Variants in ITM2B observed in about 807,000 individuals in gnomAD.
ITM2B encodes the protein integral membrane protein 2B, also known as ABri/ADan amyloid peptide.
Under a neutral mutation model 27.8 loss-of-function variants are expected in ITM2B, and 11 were observed. The observed-to-expected ratio is 0.40, with a 90% confidence interval of 0.25 to 0.66. ITM2B has a LOEUF of 0.66. Ranked by LOEUF, ITM2B falls within the 30% of genes least tolerant of loss-of-function variation. ITM2B has a pLI of 0.43. For synonymous variants in ITM2B, 114 were observed against 114.3 expected, an observed-to-expected ratio of 1.00 and a Z score of 0.02; for missense variants, 296 against 328.9, an observed-to-expected ratio of 0.90 and a Z score of 0.77.
Position 48,261,353 on chromosome 13 carries a change from CAT to C in ITM2B, c.*130_*131del, listed in dbSNP as rs1356189940. 22 of 707,392 alleles carry C rather than the reference CAT, an allele frequency of 3.1e-5. No individual in the cohort carries two copies. In the East Asian group the frequency reaches 5.3e-4, roughly 17 times the overall value. The allele number at this position is 707,392 out of a possible 1,614,324, so 43.8% of individuals were successfully genotyped here. On this transcript the variant is annotated 3_prime_UTR_variant, in exon 6 of 6. Transcript: ENST00000647800. The stretch of plus-strand genomic sequence containing the variant: ...AGCAAACAGGGCTTTACTATCTTTT[CAT>C]CTCATTAATTCAATTAAAACCATTA...
chr13:48,269,776 C>T lies in ITM2B; in HGVS notation c.*8552C>T, dbSNP rs566783516. ...ACCTTTTCTAAAGTGAGTCTCACCT[C>T]CACCCTCAATGCTGGCAATGTCTGT... is the stretch of plus-strand genomic sequence containing the variant. On this transcript the variant is annotated 3_prime_UTR_variant, in exon 6 of 6. Coordinates refer to ENST00000647800, the MANE Select transcript of ITM2B (RefSeq NM_021999.5). 7.9e-5 allele frequency: 12 copies of T among 152,242 alleles called. No homozygotes were observed. The highest frequency in any genetic ancestry group is 2.9e-4 in the African/African-American group (12 of 41,428). 9.4% of individuals were successfully genotyped at this position (152,242 alleles called of 1,614,324 possible). A position where few individuals can be genotyped will look rare whatever the true frequency, so the allele number is the denominator to read the frequency against.
intron 1 of ITM2B, among the ~76,000 whole-genome samples, chr13:48,237,380 C>G (rs1326086779): frequency 1.3e-5 from 2 of 152,170 alleles, no homozygotes; most frequent in Non-Finnish European, 2.9e-5. Flanking sequence ...GTCTGTGCAT[C>G]CCAAATGCCT....
chr13:48,242,108 A>G (rs952214102), intron 1 of ITM2B, among the ~76,000 whole-genome samples: 1 of 152,152 alleles, frequency 6.6e-6, no homozygotes, highest in Non-Finnish European at 1.5e-5. Context: ...TGCACACATG[A>G]TCTCTTCTCC....
At position 48,258,107 on chromosome 13, in the gene ITM2B, T is replaced by C; in HGVS notation, c.454-19T>C. Reference sequence around the variant, plus strand: ...TTTGCAAGTATTACTGTAACTACACTGTATCTTTTTCTTCCCAGAAACTTA... The same window carrying C: ...TTTGCAAGTATTACTGTAACTACACCGTATCTTTTTCTTCCCAGAAACTTA... On this transcript the variant is annotated intron_variant, in intron 3 of 5. Transcript: ENST00000647800. 4 of 1,191,870 alleles carry C rather than the reference T, an allele frequency of 3.4e-6. No homozygotes were observed. Among genetic ancestry groups the C allele is most frequent in the South Asian group, 1.2e-5 (1 of 82,538 alleles). 73.8% of individuals were successfully genotyped at this position (1,191,870 alleles called of 1,614,324 possible).
rs1951841927 is a variant in ITM2B, at chr13:48,264,584, T to A, written c.*3360T>A. On this transcript the variant is annotated 3_prime_UTR_variant, in exon 6 of 6. Transcript: ENST00000647800. Reference sequence around the variant, plus strand: ...CTCTTCCACCTAGCAAAGAGTTTGTTGCCCAGAGTTATATAAATCCTACTC... The same window carrying A: ...CTCTTCCACCTAGCAAAGAGTTTGTAGCCCAGAGTTATATAAATCCTACTC... 6.6e-6 allele frequency: 1 copy of A among 152,214 alleles called. No individual in the cohort carries two copies. Among genetic ancestry groups the A allele is most frequent in the Non-Finnish European group, 1.5e-5 (1 of 68,028 alleles). 9.4% of individuals were successfully genotyped at this position (152,214 alleles called of 1,614,324 possible). A position where few individuals can be genotyped will look rare whatever the true frequency, so the allele number is the denominator to read the frequency against.
rs1951857981 is a variant in ITM2B, at chr13:48,267,195, A to G, written c.*5971A>G. On this transcript the variant is annotated 3_prime_UTR_variant, in exon 6 of 6. Coordinates refer to ENST00000647800, the MANE Select transcript of ITM2B (RefSeq NM_021999.5). ...AAGAGCTTTCAGAATGTCAGGGATAAATATATCCATTAAGCCTTCAGACTA... is the reference window on the plus strand; with the variant it reads ...AAGAGCTTTCAGAATGTCAGGGATAGATATATCCATTAAGCCTTCAGACTA... 1 of 152,202 alleles carries G rather than the reference A, an allele frequency of 6.6e-6. No individual in the cohort carries two copies. Among genetic ancestry groups the G allele is most frequent in the South Asian group, 2.1e-4 (1 of 4,824 alleles). 9.4% of individuals were successfully genotyped at this position (152,202 alleles called of 1,614,324 possible).
chr13:48,239,004 ATTATT>A (rs1951684715), intron 1 of ITM2B, among the ~76,000 whole-genome samples: 1 of 152,152 alleles, frequency 6.6e-6, no homozygotes, highest in African/African-American at 2.4e-5. Context: ...AATGTTTTAA[ATTATT>A]TTATATAAAA....
intron 1 of ITM2B, among the ~76,000 whole-genome samples, chr13:48,235,704 G>A (rs987571379): frequency 6.6e-6 from 1 of 152,180 alleles, no homozygotes; most frequent in African/African-American, 2.4e-5. Flanking sequence ...TGCCTGGACT[G>A]GGAACAGAAT....
At chr13:48,253,645 C>G (rs888326686) in intron 1 of ITM2B, among the ~76,000 whole-genome samples, 163 bp from the exon 2 acceptor site, 2 of 152,168 alleles carry the variant, frequency 1.3e-5, no homozygotes, top group Non-Finnish European at 2.9e-5. Context: ...AGCCCTGGAG[C>G]TACCACTTAA....
chr13:48,234,688 A>G (rs1566156840), intron 1 of ITM2B, among the ~76,000 whole-genome samples: 1 of 152,174 alleles, frequency 6.6e-6, no homozygotes, highest in African/African-American at 2.4e-5. Context: ...TATAATGGTA[A>G]TCTTACTTTC....
At chr13:48,251,308 A>C (rs1348230313) in intron 1 of ITM2B, among the ~76,000 whole-genome samples, 2 of 152,188 alleles carry the variant, frequency 1.3e-5, no homozygotes, top group African/African-American at 2.4e-5. Flanking sequence ...TTTGTCCTTT[A>C]ACATTCCACT....
At chr13:48,237,701 T>C (rs1951676585) in intron 1 of ITM2B, among the ~76,000 whole-genome samples, 1 of 152,244 alleles carries the variant, frequency 6.6e-6, no homozygotes, top group African/African-American at 2.4e-5. Flanking sequence ...TGGGTAAATG[T>C]ACATAGAAAC....
At chr13:48,253,549 A>G (rs1951766423) in intron 1 of ITM2B, among the ~76,000 whole-genome samples, 1 of 152,132 alleles carries the variant, frequency 6.6e-6, no homozygotes, top group Non-Finnish European at 1.5e-5. Flanking sequence ...TCATTGCTTG[A>G]GGCAGGGTTA....
intron 1 of ITM2B, among the ~76,000 whole-genome samples, chr13:48,238,876 T>G (rs1951683866): frequency 6.6e-6 from 1 of 152,224 alleles, no homozygotes; most frequent in Non-Finnish European, 1.5e-5. Flanking sequence ...AGTAAAAGAA[T>G]GGTACTGCAT....
intron 4 of ITM2B, 121 bp from the exon 5 acceptor site, chr13:48,258,676 G>A: frequency 1.2e-6 from 1 of 859,118 alleles, no homozygotes. Context: ...ACAAACAGAT[G>A]GTGGGTAGTA....
intron 2 of ITM2B, among the ~76,000 whole-genome samples, chr13:48,255,250 T>TGCGCGCGCGC (rs1951779279): frequency 7.7e-6 from 1 of 129,206 alleles, no homozygotes; most frequent in Non-Finnish European, 1.6e-5. Context: ...TGTGTGTGTG[T>TGCGCGCGCGC]GTGTGCGCGC....
At chr13:48,247,855 C>T (rs1013706130) in intron 1 of ITM2B, among the ~76,000 whole-genome samples, 4 of 152,136 alleles carry the variant, frequency 2.6e-5, no homozygotes, top group African/African-American at 7.2e-5. Flanking sequence ...TATAGGCCAG[C>T]GTGTGCTGCA....
rs1951768345 is a variant in ITM2B, at chr13:48,253,802, T to C, written c.118-6T>C. The C allele has an allele frequency of 6.2e-7, 1 of 1,613,412 alleles. No individual in the cohort carries two copies. The highest frequency in any genetic ancestry group is 1.1e-5 in the South Asian group (1 of 91,068). On this transcript the variant is annotated splice_polypyrimidine_tract_variant and splice_region_variant and intron_variant, in intron 1 of 5. Coordinates refer to ENST00000647800, the MANE Select transcript of ITM2B (RefSeq NM_021999.5). ...AAGATATTTAACTGTCTTTTTCATA[T>C]TTTAGGACCCAGATGATGTGGTACC... is the stretch of plus-strand genomic sequence containing the variant.
At chr13:48,253,160 T>C (rs1475721984) in intron 1 of ITM2B, among the ~76,000 whole-genome samples, 3 of 152,238 alleles carry the variant, frequency 2.0e-5, no homozygotes, top group Non-Finnish European at 4.4e-5. Context: ...TGAAGAATTT[T>C]ATCAGACCAT....
Sources: gnomAD v4.1 joint callset for allele counts (sites outside exome capture counted in the v4.1 genomes callset) on GRCh38, gnomAD v4.1.1 for gene constraint, MANE v1.5 for transcripts, NCBI Gene and HGNC (gene_info 2026-07-23, HGNC 2026-07-21) for gene names.